The following DMRT1 variants were observed in gnomAD, a reference collection of about 807,000 sequenced individuals.
DMRT1 encodes doublesex and mab-3 related transcription factor 1.
In DMRT1, 7 loss-of-function variants were observed where a neutral mutation model predicts 32.3. The observed-to-expected ratio is 0.22, with a 90% CI of 0.12 to 0.41. DMRT1 has a LOEUF of 0.41. DMRT1 is among the 10% of genes least tolerant of loss of function. The pLI, the probability that DMRT1 is intolerant of heterozygous loss-of-function variation, is 1.00. For missense variants in DMRT1, 625 were observed against 500.5 expected, an observed-to-expected ratio of 1.25 and a Z score of -2.37; for synonymous variants, 278 against 206.1, an observed-to-expected ratio of 1.35 and a Z score of -2.99.
rs183765347 is a variant in DMRT1, at chr9:944,173, A to C, written c.968-23812A>C. Among the ~76,000 whole-genome samples the C allele has an allele frequency of 9.2e-5, 14 of 152,350 alleles. No individual in the cohort carries two copies. In the East Asian group the frequency reaches 2.7e-3, roughly 29 times the overall value. ...GTGAAATAGTGTTTCTAAAGGGCTT[A>C]ACACTGCACCCGGCACATGAGTGGT... is the stretch of plus-strand genomic sequence containing the variant. On this transcript the variant is annotated intron_variant, in intron 4 of 4. Transcript: ENST00000382276.
chr9:939,769 T>C (rs1038680064), intron 4 of DMRT1, among the ~76,000 whole-genome samples: 9 of 152,228 alleles, frequency 5.9e-5, no homozygotes, highest in African/African-American at 2.2e-4. Context: ...TGAAGTTTTA[T>C]AGTTTCTTTC....
intron 4 of DMRT1, among the ~76,000 whole-genome samples, chr9:943,908 C>CTTAAG (rs1189160743): frequency 6.6e-6 from 1 of 152,172 alleles, no homozygotes; most frequent in Non-Finnish European, 1.5e-5. Flanking sequence ...GGCTTTTGGG[C>CTTAAG]TTAAGCACTC....
chr9:849,886 C>G (rs746278456), intron 2 of DMRT1, among the ~76,000 whole-genome samples: 2 of 151,826 alleles, frequency 1.3e-5, no homozygotes, highest in Non-Finnish European at 2.9e-5. Flanking sequence ...GGCAGTGGTG[C>G]GATTTTGGCT....
intron 4 of DMRT1, among the ~76,000 whole-genome samples, chr9:956,563 CA>C (rs199499677): frequency 1.7e-3 from 143 of 84,132 alleles, no homozygotes; most frequent in Non-Finnish European, 2.2e-3. Flanking sequence ...GACCCTGTCT[CA>C]AAAAAAAAAA....
chr9:956,578 CAAAA>C (rs60651115), intron 4 of DMRT1, among the ~76,000 whole-genome samples: 11,267 of 146,392 alleles, frequency 0.077, 597 homozygotes, highest in South Asian at 0.23. Context: ...AAAAAAAAAA[CAAAA>C]AACAAAAAAC....
intron 4 of DMRT1, among the ~76,000 whole-genome samples, chr9:953,300 C>T (rs1332733302): frequency 6.6e-6 from 1 of 151,912 alleles, no homozygotes; most frequent in African/African-American, 2.4e-5. Flanking sequence ...GTCTGTGTAT[C>T]TTTTTGGTCT....
chr9:913,277 C>T (rs1267488950), intron 3 of DMRT1, among the ~76,000 whole-genome samples: 1 of 152,186 alleles, frequency 6.6e-6, no homozygotes, highest in East Asian at 1.9e-4. Context: ...GTGACAAACT[C>T]AGCCCCCAGA....
In DMRT1 at chr9:963,866, T is replaced by G. The variant is rs540207140; in HGVS notation, c.968-4119T>G. Among the ~76,000 whole-genome samples, 8 of 152,364 alleles carry G rather than the reference T, an allele frequency of 5.3e-5. No homozygotes were observed. The East Asian group carries it at 1.3e-3, about 26-fold the overall frequency. ...TGTTGTTTAAGAAATTTTCATCAGCTTTTCATCAGATTCTTTCTTATGCCT... is the reference window on the plus strand; with the variant it reads ...TGTTGTTTAAGAAATTTTCATCAGCGTTTCATCAGATTCTTTCTTATGCCT... On this transcript the variant is annotated intron_variant, in intron 4 of 4. Transcript: ENST00000382276.
At chr9:899,771 C>T (rs1381256583) in intron 3 of DMRT1, among the ~76,000 whole-genome samples, 5 of 152,352 alleles carry the variant, frequency 3.3e-5, no homozygotes, top group African/African-American at 9.6e-5. Flanking sequence ...AGGTGCGTAT[C>T]GAGTGAGCAG....
intron 3 of DMRT1, among the ~76,000 whole-genome samples, chr9:915,981 T>C (rs541914755): frequency 2.0e-5 from 3 of 152,208 alleles, no homozygotes; most frequent in African/African-American, 4.8e-5. Context: ...GATCTGCCCA[T>C]CTTGGCCTCC....
At chr9:864,473 G>A (rs1215871066) in intron 2 of DMRT1, among the ~76,000 whole-genome samples, 8 of 147,294 alleles carry the variant, frequency 5.4e-5, no homozygotes, top group Non-Finnish European at 3.0e-5. Context: ...GATTACAGGC[G>A]TGAGCCACCA....
chr9:940,533 A>G (rs1297138151), intron 4 of DMRT1, among the ~76,000 whole-genome samples: 2 of 152,164 alleles, frequency 1.3e-5, no homozygotes, highest in African/African-American at 2.4e-5. Flanking sequence ...ACCTTATACC[A>G]TATACAAAAA....
intron 4 of DMRT1, among the ~76,000 whole-genome samples, chr9:948,608 A>G (rs1172078553): frequency 6.6e-6 from 1 of 152,070 alleles, no homozygotes; most frequent in East Asian, 1.9e-4. Context: ...CTCCGCAACA[A>G]GTGGTTGATT....
At chr9:882,566 G>C (rs1025647659) in intron 2 of DMRT1, among the ~76,000 whole-genome samples, 2 of 152,040 alleles carry the variant, frequency 1.3e-5, no homozygotes, top group Admixed American at 1.3e-4. Flanking sequence ...AACACTTTGG[G>C]AGTTGCTGCA....
intron 2 of DMRT1, among the ~76,000 whole-genome samples, chr9:879,883 G>A (rs140985244): frequency 2.6e-5 from 4 of 152,258 alleles, no homozygotes; most frequent in African/African-American, 9.6e-5. Context: ...ACTTCCAAAT[G>A]TTGACACATT....
At chr9:904,385 C>G (rs1195559877) in intron 3 of DMRT1, among the ~76,000 whole-genome samples, 2 of 152,084 alleles carry the variant, frequency 1.3e-5, no homozygotes, top group African/African-American at 4.8e-5. Flanking sequence ...TCTGTGGTCT[C>G]TTAAGTGTTC....
At chr9:923,792 G>A (rs1818431853) in intron 4 of DMRT1, among the ~76,000 whole-genome samples, 1 of 152,172 alleles carries the variant, frequency 6.6e-6, no homozygotes, top group Non-Finnish European at 1.5e-5. Context: ...AAAGCTGAAT[G>A]TGTTTTATGC....
At chr9:884,926 C>T (rs1476718122) in intron 2 of DMRT1, among the ~76,000 whole-genome samples, 1 of 152,204 alleles carries the variant, frequency 6.6e-6, no homozygotes, top group Non-Finnish European at 1.5e-5. Context: ...GCCAAGATCA[C>T]ACCACTACAC....
intron 4 of DMRT1, among the ~76,000 whole-genome samples, chr9:951,544 G>A (rs992515151): frequency 5.3e-5 from 8 of 152,220 alleles, no homozygotes; most frequent in Admixed American, 1.3e-4. Context: ...TCTCTGCAAT[G>A]TCTAGAAGCT....
Sources: gnomAD v4.1 joint callset for allele counts (sites outside exome capture counted in the v4.1 genomes callset) on GRCh38, gnomAD v4.1.1 for gene constraint, MANE v1.5 for transcripts, NCBI Gene and HGNC (gene_info 2026-07-23, HGNC 2026-07-21) for gene names.